The following YIPF4 variants were observed in gnomAD, a reference collection of about 807,000 sequenced individuals.
The protein encoded by YIPF4 is Yip1 domain family member 4.
Under a neutral mutation model 29.4 loss-of-function variants are expected in YIPF4, and 18 were observed. The observed-to-expected ratio is 0.61, with a 90% CI of 0.42 to 0.91. The LOEUF (loss-of-function observed/expected upper bound fraction) is 0.91. YIPF4 is among the 40% of genes least tolerant of loss of function. The pLI, the probability that YIPF4 is intolerant of heterozygous loss-of-function variation, is 0.00. For synonymous variants in YIPF4, 115 were observed against 104.7 expected (o/e 1.10, Z -0.60); for missense variants, 279 against 282.7 (o/e 0.99, Z 0.09).
At chr2:32,298,370 C>A in intron 4 of YIPF4, 59 bp downstream of exon 4, 1 of 1,254,276 alleles carries the variant, frequency 8.0e-7, no homozygotes, top group Non-Finnish European at 1.2e-6. Context: ...GTTTTTGATA[C>A]TGCAGATATC....
chr2:32,313,653 A>C lies in YIPF4; in HGVS notation c.*8027A>C, dbSNP rs1167178932. On this transcript the variant is annotated 3_prime_UTR_variant, in exon 6 of 6. Coordinates refer to ENST00000238831, the MANE Select transcript of YIPF4 (RefSeq NM_032312.4). The stretch of plus-strand genomic sequence containing the variant: ...AGTGCTGGGATTACAGGCGTGAGAC[A>C]CTGTGCCCAGCCTGTCAGAGCTTTT... 1 of 152,156 alleles carries C rather than the reference A, an allele frequency of 6.6e-6. No homozygotes were observed. Among genetic ancestry groups the C allele is most frequent in the Admixed American group, 6.6e-5 (1 of 15,252 alleles). 9.4% of individuals were successfully genotyped at this position (152,156 alleles called of 1,614,324 possible).
At chr2:32,293,741 C>G (rs1163930553) in intron 3 of YIPF4, among the ~76,000 whole-genome samples, 1 of 150,238 alleles carries the variant, frequency 6.7e-6, no homozygotes, top group East Asian at 2.0e-4. Context: ...ACCTCCCGGA[C>G]GGGGCGGCTG....
chr2:32,309,776 A>G lies in YIPF4; in HGVS notation c.*4150A>G, dbSNP rs2031680566. On this transcript the variant is annotated 3_prime_UTR_variant, in exon 6 of 6. Transcript: ENST00000238831. ...CAATCTCAGCTCACTGCAACCTCTG[A>G]TTCCTGGGTTCAAGCAATTCTCATG... 7.0e-6 allele frequency: 1 copy of G among 142,940 alleles called. No homozygotes were observed. The highest frequency in any genetic ancestry group is 1.5e-5 in the Non-Finnish European group (1 of 67,292). The allele number at this position is 142,940 out of a possible 1,614,324, so 8.9% of individuals were successfully genotyped here. A position where few individuals can be genotyped will look rare whatever the true frequency, so the allele number is the denominator to read the frequency against.
chr2:32,301,148 T>C (rs565117946), intron 4 of YIPF4, among the ~76,000 whole-genome samples: 2 of 152,230 alleles, frequency 1.3e-5, no homozygotes, highest in South Asian at 4.1e-4. Flanking sequence ...GCTGGAAATA[T>C]AGATTTGGGT....
chr2:32,287,437 C>T (rs112453219), intron 1 of YIPF4, among the ~76,000 whole-genome samples: 3 of 152,158 alleles, frequency 2.0e-5, no homozygotes, highest in African/African-American at 7.2e-5. Context: ...GCTCTTGTTG[C>T]TTATTAAATA....
chr2:32,287,909 A>T (rs1273689387), intron 1 of YIPF4, among the ~76,000 whole-genome samples: 1 of 152,236 alleles, frequency 6.6e-6, no homozygotes, highest in Non-Finnish European at 1.5e-5. Flanking sequence ...AATATTTTAT[A>T]TATAGTATAG....
chr2:32,290,214 G>T (rs1446241515), intron 1 of YIPF4, among the ~76,000 whole-genome samples: 1 of 152,146 alleles, frequency 6.6e-6, no homozygotes, highest in Non-Finnish European at 1.5e-5. Context: ...AATTACTGTT[G>T]TTAAGTCTAG....
At chr2:32,297,866 C>G (rs1289145965) in intron 3 of YIPF4, among the ~76,000 whole-genome samples, 1 of 151,942 alleles carries the variant, frequency 6.6e-6, no homozygotes, top group Admixed American at 6.6e-5. Flanking sequence ...AATATGTAAT[C>G]TAAATTTTAA....
intron 5 of YIPF4, among the ~76,000 whole-genome samples, chr2:32,302,909 G>A (rs909158735): frequency 1.3e-5 from 2 of 152,102 alleles, no homozygotes; most frequent in East Asian, 1.9e-4. Context: ...ATTGGGAATC[G>A]AAAATGTGTG....
chr2:32,279,784 T>C (rs1034293437), intron 1 of YIPF4, among the ~76,000 whole-genome samples: 52 of 152,056 alleles, frequency 3.4e-4, no homozygotes, highest in African/African-American at 1.1e-3. Context: ...TTTCTTGTTG[T>C]GCTGTTTGGC....
At chr2:32,300,076 G>A (rs565188340) in intron 4 of YIPF4, among the ~76,000 whole-genome samples, 43 of 152,250 alleles carry the variant, frequency 2.8e-4, no homozygotes, top group Non-Finnish European at 4.6e-4. Flanking sequence ...AGACCAGCCT[G>A]TCCAACATGG....
rs2031797908 is a variant in YIPF4 at position 32,315,207 on chromosome 2, A to T, written c.*9581A>T. The T allele has an allele frequency of 6.6e-6, 1 of 152,210 alleles. No individual in the cohort carries two copies. The highest frequency in any genetic ancestry group is 2.1e-4 in the South Asian group (1 of 4,830). 9.4% of individuals were successfully genotyped at this position (152,210 alleles called of 1,614,324 possible). ...GCAGGAAGAAGATGAAGCTTAAGAG[A>T]CCAAATGGAGCATGTCAGTCAAAGG... On this transcript the variant is annotated 3_prime_UTR_variant, in exon 6 of 6. Transcript: ENST00000238831.
intron 1 of YIPF4, among the ~76,000 whole-genome samples, chr2:32,279,394 C>CTTT (rs35036420): frequency 0.027 from 2,701 of 98,724 alleles, 120 homozygotes; most frequent in Middle Eastern, 0.036. Flanking sequence ...CTAGATTTTC[C>CTTT]TTTTTTTTTT....
At chr2:32,293,899 C>G (rs1206307866) in intron 3 of YIPF4, among the ~76,000 whole-genome samples, 1 of 144,712 alleles carries the variant, frequency 6.9e-6, no homozygotes, top group Non-Finnish European at 1.5e-5. Flanking sequence ...GGGCTGACCC[C>G]CCCCACCTCC....
chr2:32,280,238 C>T (rs1194352431), intron 1 of YIPF4, among the ~76,000 whole-genome samples: 1 of 146,882 alleles, frequency 6.8e-6, no homozygotes, highest in Non-Finnish European at 1.5e-5. Flanking sequence ...TGCTATTCTC[C>T]TGCCTCAGCC....
intron 3 of YIPF4, among the ~76,000 whole-genome samples, chr2:32,294,820 C>T (rs1464810127): frequency 2.6e-5 from 4 of 152,244 alleles, no homozygotes; most frequent in African/African-American, 9.6e-5. Flanking sequence ...ATCCCGGCAC[C>T]TCCGGAGGCC....
chr2:32,278,882 C>G (rs891327525), intron 1 of YIPF4, among the ~76,000 whole-genome samples: 2 of 152,150 alleles, frequency 1.3e-5, no homozygotes, highest in Admixed American at 6.5e-5. Context: ...AGCGATTGTG[C>G]TGGAGATATT....
At chr2:32,288,630 C>A (rs1014033372) in intron 1 of YIPF4, among the ~76,000 whole-genome samples, 4 of 151,966 alleles carry the variant, frequency 2.6e-5, no homozygotes, top group Non-Finnish European at 4.4e-5. Flanking sequence ...GCCAACATGG[C>A]AAAACCCCAT....
rs1448092213 is a variant in YIPF4 at position 32,312,486 on chromosome 2, T to C, written c.*6860T>C. On this transcript the variant is annotated 3_prime_UTR_variant, in exon 6 of 6. Transcript: ENST00000238831. ...CTGGGCGACAGAGCGAGAATCCGTC[T>C]CAAAAAAAAAAAAAAAAAAAAAAAA... 8.5e-5 allele frequency: 1 copy of C among 11,826 alleles called. No homozygotes were observed. The highest frequency in any genetic ancestry group is 1.3e-4 in the Non-Finnish European group (1 of 7,862). 0.7% of individuals were successfully genotyped at this position (11,826 alleles called of 1,614,324 possible). A position where few individuals can be genotyped will look rare whatever the true frequency, so the allele number is the denominator to read the frequency against.
Sources: gnomAD v4.1 joint callset for allele counts (sites outside exome capture counted in the v4.1 genomes callset) on GRCh38, gnomAD v4.1.1 for gene constraint, MANE v1.5 for transcripts, NCBI Gene and HGNC (gene_info 2026-07-23, HGNC 2026-07-21) for gene names.